Variants in BRINP3 observed in about 807,000 individuals in gnomAD.
The protein encoded by BRINP3 is BMP/retinoic acid-inducible neural-specific protein 3.
BRINP3 carries 19 observed loss-of-function variants against 71.0 expected under a neutral mutation model. The ratio of observed to expected loss-of-function variants is 0.27; its 90% CI spans 0.19 to 0.39. BRINP3 has a LOEUF of 0.39. BRINP3 is among the 10% of genes least tolerant of loss of function. The probability of loss-of-function intolerance (pLI) is 1.00; values close to 1 mark genes in which losing one functional copy is unlikely to be tolerated. For synonymous variants in BRINP3, 380 were observed against 337.7 expected (o/e 1.13, Z -1.37); for missense variants, 959 against 940.8 (o/e 1.02, Z -0.25).
intron 6 of BRINP3, among the ~76,000 whole-genome samples, chr1:190,189,955 G>A (rs1478937321): frequency 1.3e-5 from 2 of 152,106 alleles, no homozygotes; most frequent in African/African-American, 4.8e-5. Context: ...CGCAGTCAGT[G>A]TGGCACTGCC....
At chr1:190,306,777 A>G (rs1170984693) in intron 2 of BRINP3, among the ~76,000 whole-genome samples, 2 of 151,972 alleles carry the variant, frequency 1.3e-5, no homozygotes, top group African/African-American at 4.8e-5. Context: ...TAAAGAGACC[A>G]GGGAAAAGTG....
intron 5 of BRINP3, among the ~76,000 whole-genome samples, chr1:190,226,793 G>A (rs893293139): frequency 1.3e-5 from 2 of 151,808 alleles, no homozygotes; most frequent in African/African-American, 4.8e-5. Flanking sequence ...GAATGTTGAT[G>A]GTAAGGCTTA....
rs1277555053 is a variant in BRINP3 at position 190,234,477 on chromosome 1, C to T, written c.619G>A (p.Val207Ile). 2.5e-6 allele frequency: 4 copies of T among 1,609,156 alleles called. No homozygotes were observed. Among genetic ancestry groups the T allele is most frequent in the Non-Finnish European group, 3.4e-6 (4 of 1,176,482 alleles). ...AGAGGACCAGTCCGTGTTTCTGTTACCTGGCAAACAAAACATCAACTTTAT... is the reference window on the plus strand; with the variant it reads ...AGAGGACCAGTCCGTGTTTCTGTTATCTGGCAAACAAAACATCAACTTTAT... Reference protein sequence around the residue: ...HIQIASTAIKVTETRTGPLGC... With the variant: ...HIQIASTAIKITETRTGPLGC... The change falls in exon 5 of 8, where the codon GTA (valine) becomes ATA (isoleucine). Residue 207 changes from valine (V) to isoleucine (I), a missense_variant and splice_region_variant. Coordinates refer to ENST00000367462, the MANE Select transcript of BRINP3 (RefSeq NM_199051.3).
At chr1:190,283,447 T>C (rs1377905507) in intron 2 of BRINP3, among the ~76,000 whole-genome samples, 1 of 151,858 alleles carries the variant, frequency 6.6e-6, no homozygotes, top group Admixed American at 6.6e-5. Flanking sequence ...CTCTTCAAAG[T>C]GTCATCTTTT....
intron 5 of BRINP3, among the ~76,000 whole-genome samples, chr1:190,230,779 T>TCACA (rs1181208692): frequency 6.6e-6 from 1 of 151,020 alleles, no homozygotes; most frequent in East Asian, 1.9e-4. Flanking sequence ...CTTCAAACAC[T>TCACA]CACACACACA....
intron 2 of BRINP3, among the ~76,000 whole-genome samples, chr1:190,384,459 C>A (rs570334131): frequency 9.9e-5 from 15 of 151,728 alleles, no homozygotes; most frequent in African/African-American, 3.6e-4. Flanking sequence ...TAAAATATTG[C>A]TGGAGATAAA....
chr1:190,164,735 C>A (rs185517982), intron 6 of BRINP3, among the ~76,000 whole-genome samples: 195 of 152,046 alleles, frequency 1.3e-3, no homozygotes, highest in Admixed American at 2.0e-3. Flanking sequence ...GGATTACATG[C>A]CTAGCTAATA....
chr1:190,137,811 A>C (rs1655100650), intron 7 of BRINP3, among the ~76,000 whole-genome samples: 1 of 152,170 alleles, frequency 6.6e-6, no homozygotes, highest in South Asian at 2.1e-4. Flanking sequence ...AAAAAAGTAC[A>C]TATTGATTAT....
intron 4 of BRINP3, among the ~76,000 whole-genome samples, chr1:190,237,101 G>A (rs1030511759): frequency 5.3e-5 from 8 of 151,892 alleles, no homozygotes; most frequent in East Asian, 1.9e-4. Context: ...ATAGACATAC[G>A]TTTTGAGAAT....
At chr1:190,147,542 T>A (rs1018412492) in intron 7 of BRINP3, among the ~76,000 whole-genome samples, 11 of 152,204 alleles carry the variant, frequency 7.2e-5, no homozygotes, top group Non-Finnish European at 1.6e-4. Context: ...TTCAGTCATA[T>A]TTTTTCCTCT....
intron 2 of BRINP3, among the ~76,000 whole-genome samples, chr1:190,452,110 T>C (rs1422776131): frequency 6.8e-6 from 1 of 147,692 alleles, no homozygotes; most frequent in African/African-American, 2.7e-5. Flanking sequence ...TTTCCATCTA[T>C]GTGTTTTAAG....
At chr1:190,429,843 C>G (rs768066619) in intron 2 of BRINP3, among the ~76,000 whole-genome samples, 11 of 152,138 alleles carry the variant, frequency 7.2e-5, no homozygotes, top group Non-Finnish European at 1.6e-4. Flanking sequence ...CCCTGCCCGC[C>G]TTGGCCTCCC....
At chr1:190,277,137 A>C (rs1662654775) in intron 3 of BRINP3, among the ~76,000 whole-genome samples, 1 of 125,190 alleles carries the variant, frequency 8.0e-6, no homozygotes, top group African/African-American at 2.9e-5. Context: ...AGAAAAGAAA[A>C]CTTTTTCCCT....
intron 2 of BRINP3, among the ~76,000 whole-genome samples, chr1:190,434,375 G>A (rs1365393052): frequency 1.3e-5 from 2 of 151,980 alleles, no homozygotes; most frequent in Non-Finnish European, 2.9e-5. Flanking sequence ...TTCCCAAGGT[G>A]CTAAGATTAC....
chr1:190,107,072 G>T, intron 7 of BRINP3, among the ~76,000 whole-genome samples: 1 of 151,904 alleles, frequency 6.6e-6, no homozygotes, highest in East Asian at 1.9e-4. Flanking sequence ...CAAGAATTTG[G>T]TTTCTGAAAA....
At chr1:190,319,789 C>T (rs1272679831) in intron 2 of BRINP3, among the ~76,000 whole-genome samples, 2 of 152,092 alleles carry the variant, frequency 1.3e-5, no homozygotes, top group African/African-American at 4.8e-5. Flanking sequence ...CAGCAGACCC[C>T]ACCTCCAGCA....
Position 190,098,606 on chromosome 1 carries a change from A to G in BRINP3, c.1713T>C (p.Val571=). The stretch of plus-strand genomic sequence containing the variant: ...GGCTGCCTCCGAAGGGATTGACATA[A>G]ACAGCCAACACTGGCTCCAAGGTGC... ...KNSTLEPVLA[V]YVNPFGGSHS... Residue 571 remains valine, a synonymous_variant, in exon 8 of 8, where the codon GTT becomes GTC. Coordinates refer to ENST00000367462, the MANE Select transcript of BRINP3 (RefSeq NM_199051.3). 6.2e-7 allele frequency: 1 copy of G among 1,614,190 alleles called. No individual in the cohort carries two copies. The highest frequency in any genetic ancestry group is 1.1e-5 in the South Asian group (1 of 91,084).
Position 190,251,452 on chromosome 1 carries a change from G to A in BRINP3, c.618+13413C>T, listed in dbSNP as rs373545352. Among the ~76,000 whole-genome samples, 10 of 151,974 alleles carry A rather than the reference G, an allele frequency of 6.6e-5. No individual in the cohort carries two copies. In the East Asian group the frequency reaches 1.4e-3, roughly 21 times the overall value. ...TTGAGCAAAACGACACAATCAATAC[G>A]TAGTGATATTGGGACACCAACCTAG... On this transcript the variant is annotated intron_variant, in intron 4 of 7. Coordinates refer to ENST00000367462, the MANE Select transcript of BRINP3 (RefSeq NM_199051.3).
intron 7 of BRINP3, among the ~76,000 whole-genome samples, chr1:190,120,934 A>C (rs1474775386): frequency 6.6e-6 from 1 of 152,194 alleles, no homozygotes; most frequent in Non-Finnish European, 1.5e-5. Context: ...ATGTCTATAG[A>C]CTAAGAACAA....
Sources: allele counts gnomAD v4.1 joint callset (sites outside exome capture counted in the v4.1 genomes callset), GRCh38; gene constraint gnomAD v4.1.1; transcripts MANE v1.5; gene names NCBI Gene and HGNC (gene_info 2026-07-23, HGNC 2026-07-21).